FUBP3: variants seen among roughly 807,000 people sequenced by gnomAD.
The protein encoded by FUBP3 is far upstream element-binding protein 3.
A neutral mutation model predicts 85.6 loss-of-function variants in FUBP3; 28 were observed. The ratio of observed to expected loss-of-function variants is 0.33; its 90% CI spans 0.24 to 0.45. FUBP3 has a LOEUF of 0.45. FUBP3 is among the 20% of genes least tolerant of loss of function. FUBP3 has a pLI of 1.00. For synonymous variants in FUBP3, 271 were observed against 271.4 expected (o/e 1.00, Z 0.01); for missense variants, 583 against 755.1 (o/e 0.77, Z 2.67).
chr9:130,588,601 C>G (rs1830451654), intron 1 of FUBP3, among the ~76,000 whole-genome samples: 1 of 152,178 alleles, frequency 6.6e-6, no homozygotes, highest in Non-Finnish European at 1.5e-5. Context: ...CATTTGTTAT[C>G]TTGTTATCCC....
At chr9:130,596,292 A>G (rs1258378076) in intron 2 of FUBP3, among the ~76,000 whole-genome samples, 1 of 152,138 alleles carries the variant, frequency 6.6e-6, no homozygotes, top group African/African-American at 2.4e-5. Context: ...ATGAATTTGC[A>G]TGTAGTCGAG....
chr9:130,626,719 T>A (rs1829992606), intron 12 of FUBP3, among the ~76,000 whole-genome samples: 1 of 152,200 alleles, frequency 6.6e-6, no homozygotes, highest in African/African-American at 2.4e-5. Flanking sequence ...AGTGTATTAT[T>A]TCTGGTGAGT....
chr9:130,604,902 A>G (rs79658939), intron 2 of FUBP3, among the ~76,000 whole-genome samples: 2 of 146,132 alleles, frequency 1.4e-5, no homozygotes, highest in East Asian at 3.9e-4. Flanking sequence ...GTCTCAAACA[A>G]AAAAAAAAAA....
At chr9:130,600,244 C>T (rs952111648) in intron 2 of FUBP3, among the ~76,000 whole-genome samples, 4 of 151,936 alleles carry the variant, frequency 2.6e-5, no homozygotes, top group African/African-American at 7.3e-5. Flanking sequence ...ACCTTCCTTC[C>T]GCGGTTACTG....
At chr9:130,604,707 G>A (rs1831330945) in intron 2 of FUBP3, among the ~76,000 whole-genome samples, 1 of 152,132 alleles carries the variant, frequency 6.6e-6, no homozygotes, top group African/African-American at 2.4e-5. Context: ...AACCATCCTG[G>A]CCAACAAGGT....
At chr9:130,631,784 G>A (rs940799388) in intron 14 of FUBP3, among the ~76,000 whole-genome samples, 154 bp downstream of exon 14, 2 of 152,138 alleles carry the variant, frequency 1.3e-5, no homozygotes, top group African/African-American at 4.8e-5. Flanking sequence ...CGGTCCCTCC[G>A]GCCTATCACT....
chr9:130,605,633 G>A lies in FUBP3; in HGVS notation c.191-4321G>A, dbSNP rs140618087. On this transcript the variant is annotated intron_variant, in intron 2 of 18. Coordinates refer to ENST00000319725, the MANE Select transcript of FUBP3 (RefSeq NM_003934.2). Reference sequence around the variant, plus strand: ...TGAGGTGCCCAGGAAAGCACCTAGTGTGGCTGGGGGTGGTGGTCTTTCCAC... The same window carrying A: ...TGAGGTGCCCAGGAAAGCACCTAGTATGGCTGGGGGTGGTGGTCTTTCCAC... Among the ~76,000 whole-genome samples the A allele has an allele frequency of 4.0e-4, 61 of 152,354 alleles. 1 individual carries two copies. Among genetic ancestry groups the A allele is most frequent in the Admixed American group, 7.8e-4 (12 of 15,312 alleles).
rs1285492410 is a variant in FUBP3 at position 130,635,327 on chromosome 9, T to C, written c.1582+589T>C. ...GAGTCACATAAAATCAGGACCAGAC[T>C]CTCGGGATATATCCCACGATTACTA... is the stretch of plus-strand genomic sequence containing the variant. On this transcript the variant is annotated intron_variant, in intron 17 of 18. Coordinates refer to ENST00000319725, the MANE Select transcript of FUBP3 (RefSeq NM_003934.2). This position sits in a 1 kb window ranked among gnomAD's most constrained non-coding sequence, Gnocchi z 4.3. Among the ~76,000 whole-genome samples, 1 of 152,106 alleles carries C rather than the reference T, an allele frequency of 6.6e-6. No homozygotes were observed. Among genetic ancestry groups the C allele is most frequent in the African/African-American group, 2.4e-5 (1 of 41,402 alleles).
intron 12 of FUBP3, 84 bp downstream of exon 12, chr9:130,626,589 T>C: frequency 7.2e-7 from 1 of 1,396,692 alleles, no homozygotes; most frequent in Non-Finnish European, 1.0e-6. Context: ...GAACCTTTGG[T>C]GAGGTCCCTT....
At chr9:130,590,424 C>T (rs571408693) in intron 1 of FUBP3, among the ~76,000 whole-genome samples, 43 of 152,204 alleles carry the variant, frequency 2.8e-4, no homozygotes, top group African/African-American at 9.4e-4. Flanking sequence ...GTGTCTGTGA[C>T]GTTGATTTGT....
At chr9:130,593,228 G>A (rs1830712498) in intron 1 of FUBP3, among the ~76,000 whole-genome samples, 1 of 152,134 alleles carries the variant, frequency 6.6e-6, no homozygotes, top group East Asian at 1.9e-4. Context: ...TTCTCTTACT[G>A]TGGTAATGCT....
Position 130,579,704 on chromosome 9 carries a change from G to A in FUBP3, c.24G>A (p.Gln8=), listed in dbSNP as rs1182219710. 7.9e-7 allele frequency: 1 copy of A among 1,268,384 alleles called. No individual in the cohort carries two copies. Among genetic ancestry groups the A allele is most frequent in the African/African-American group, 1.5e-5 (1 of 65,666 alleles). 78.6% of individuals were successfully genotyped at this position (1,268,384 alleles called of 1,614,324 possible). A position where few individuals can be genotyped will look rare whatever the true frequency, so the allele number is the denominator to read the frequency against. The stretch of plus-strand genomic sequence containing the variant: ...TAATGGCGGAGCTGGTGCAGGGGCA[G>A]AGCGCTCCTGTGGGGATGAAGGCCG... MAELVQG[Q]SAPVGMKAEG... The change falls in exon 1 of 19, where the codon CAG becomes CAA. Residue 8 remains glutamine, a synonymous_variant. Coordinates refer to ENST00000319725, the MANE Select transcript of FUBP3 (RefSeq NM_003934.2).
In FUBP3 at chr9:130,583,745, T is replaced by G. The variant is rs149830121; in HGVS notation, c.84+3981T>G. On this transcript the variant is annotated intron_variant, in intron 1 of 18. Transcript: ENST00000319725. Reference sequence around the variant, plus strand: ...CCTTAAAGGGTTTTGGTGATGTCACTGAGTGTGTGTGCGCCACCACATGTT... The same window carrying G: ...CCTTAAAGGGTTTTGGTGATGTCACGGAGTGTGTGTGCGCCACCACATGTT... 6.6e-5 allele frequency among the ~76,000 whole-genome samples: 10 copies of G among 152,320 alleles called. No individual in the cohort carries two copies. The East Asian group carries it at 1.4e-3, about 21-fold the overall frequency.
At chr9:130,591,010 T>G (rs1459595835) in intron 1 of FUBP3, among the ~76,000 whole-genome samples, 1 of 86,550 alleles carries the variant, frequency 1.2e-5, no homozygotes, top group East Asian at 1.2e-3. Flanking sequence ...TTTTTGTTTG[T>G]TTTTGTTTTT....
intron 2 of FUBP3, among the ~76,000 whole-genome samples, chr9:130,606,406 CA>C (rs1831436563): frequency 6.6e-6 from 1 of 152,196 alleles, no homozygotes; most frequent in Admixed American, 6.5e-5. Flanking sequence ...CCAACAGACT[CA>C]CTCACCTGCC....
At chr9:130,611,004 C>T (rs756790686) in intron 3 of FUBP3, among the ~76,000 whole-genome samples, 1 of 152,206 alleles carries the variant, frequency 6.6e-6, no homozygotes, top group Non-Finnish European at 1.5e-5. Context: ...GGACAAGTTT[C>T]AGCCTTGCAT....
At chr9:130,630,823 C>T in intron 13 of FUBP3, 35 bp downstream of exon 13, 1 of 1,409,722 alleles carries the variant, frequency 7.1e-7, no homozygotes, top group South Asian at 1.6e-5. Flanking sequence ...CTGGTTTACT[C>T]ATAGCTGTTT....
chr9:130,625,457 CA>C lies in FUBP3; in HGVS notation c.976-905del, dbSNP rs1207234079. Among the ~76,000 whole-genome samples the C allele has an allele frequency of 2.6e-5, 4 of 152,342 alleles. No individual in the cohort carries two copies. The East Asian group carries it at 7.7e-4, about 29-fold the overall frequency. On this transcript the variant is annotated intron_variant, in intron 11 of 18. Transcript: ENST00000319725. The stretch of plus-strand genomic sequence containing the variant: ...GGTAAACGTTCACTTTACTCTTAAT[CA>C]ACATGAGCAGGTTTTGCCCAACATT...
intron 2 of FUBP3, among the ~76,000 whole-genome samples, chr9:130,608,658 C>A (rs564551469): frequency 1.2e-3 from 184 of 152,308 alleles, no homozygotes; most frequent in African/African-American, 4.3e-3. Flanking sequence ...AAAAACAATT[C>A]TCTTATCCCT....
Sources: allele counts gnomAD v4.1 joint callset (sites outside exome capture counted in the v4.1 genomes callset), GRCh38; gene constraint gnomAD v4.1.1; non-coding constraint Gnocchi (gnomAD v3.1); transcripts MANE v1.5; gene names NCBI Gene and HGNC (gene_info 2026-07-23, HGNC 2026-07-21).